Variants in FIBP observed in about 807,000 individuals in gnomAD.
FIBP encodes acidic fibroblast growth factor intracellular-binding protein.
In FIBP, 29 loss-of-function variants were observed where a neutral mutation model predicts 40.5. That is an observed-to-expected ratio of 0.72 (90% CI 0.53 to 0.98). The LOEUF (loss-of-function observed/expected upper bound fraction) is 0.98, where lower values mean the gene tolerates loss of function less well. FIBP is among the 50% of genes least tolerant of loss of function. FIBP has a pLI of 0.00. For missense variants in FIBP, 411 were observed against 470.2 expected, an observed-to-expected ratio of 0.87 and a Z score of 1.16; for synonymous variants, 215 against 191.1, an observed-to-expected ratio of 1.13 and a Z score of -1.03.
At position 65,883,917 on chromosome 11, in the gene FIBP, A is replaced by G. The variant is rs776035189; in HGVS notation, c.*57T>C. The stretch of plus-strand genomic sequence containing the variant: ...CCACTTGCTCCCCGGAGCGAGGACC[A>G]GTCTCCAAACTCAGAGCAACTTTAT... On this transcript the variant is annotated 3_prime_UTR_variant, in exon 10 of 10. Transcript: ENST00000357519. 2.3e-5 allele frequency: 34 copies of G among 1,499,656 alleles called. No homozygotes were observed. The highest frequency in any genetic ancestry group is 3.5e-4 in the Middle Eastern group (2 of 5,738). 92.9% of individuals were successfully genotyped at this position (1,499,656 alleles called of 1,614,324 possible).
At chr11:65,885,414 G>A (rs557375946) in intron 5 of FIBP, 116 bp downstream of exon 5, 4 of 1,299,100 alleles carry the variant, frequency 3.1e-6, no homozygotes, top group East Asian at 2.3e-5. Flanking sequence ...CCTGGGTGGG[G>A]GCCATGAACA....
Position 65,886,354 on chromosome 11 carries a change from CT to C in FIBP, c.479del (p.Gln160ArgfsTer35), listed in dbSNP as rs777718343. ...EMRGSLVDNI[Q>X]QHFLLSDRLA... Reference sequence around the variant, plus strand: ...ACCGGTCAGAGAGGAGGAAGTGTTGCTGAATATTGTCCACCAGGGAGCCCCG... The same window carrying C: ...ACCGGTCAGAGAGGAGGAAGTGTTGCGAATATTGTCCACCAGGGAGCCCCG... On this transcript the variant is annotated frameshift_variant, in exon 4 of 10. Transcript: ENST00000357519. LOFTEE classifies it high-confidence loss of function. The C allele has an allele frequency of 2.5e-6, 4 of 1,613,844 alleles. No homozygotes were observed. Among genetic ancestry groups the C allele is most frequent in the Non-Finnish European group, 3.4e-6 (4 of 1,179,910 alleles).
chr11:65,885,496 G>A (rs763278349), intron 5 of FIBP, 34 bp downstream of exon 5: 1 of 1,601,056 alleles, frequency 6.2e-7, no homozygotes, highest in Non-Finnish European at 8.5e-7. Flanking sequence ...AGGATGGGGA[G>A]GCGTCCAGGC....
intron 4 of FIBP, 33 bp from the exon 5 acceptor site, chr11:65,885,696 T>C: frequency 6.4e-7 from 1 of 1,566,174 alleles, no homozygotes; most frequent in African/African-American, 1.4e-5. Context: ...CTCTTAGGGC[T>C]TGAAATTCCT....
rs1860199777 is a variant in FIBP, at chr11:65,885,120, T to C, written c.713A>G (p.Lys238Arg). Reference sequence around the variant, plus strand: ...AAGGTCCTTGTCAGCCACTAGCACCTTGAGCTCCTTCAAGTCCTGGAGAAA... The same window carrying C: ...AAGGTCCTTGTCAGCCACTAGCACCCTGAGCTCCTTCAAGTCCTGGAGAAA... ...KEFLQDLKEL[K>R]VLVADKDLLD... is the part of the protein sequence containing the mutation. The change falls in exon 6 of 10, where the codon AAG (lysine) becomes AGG (arginine). Residue 238 changes from lysine to arginine, a missense_variant. Physicochemically the swap from Lys to Arg is conservative, Grantham distance 26. Transcript: ENST00000357519. The C allele has an allele frequency of 5.0e-6, 8 of 1,613,712 alleles. No individual in the cohort carries two copies. The highest frequency in any genetic ancestry group is 2.2e-5 in the South Asian group (2 of 91,070).
chr11:65,885,189 G>C lies in FIBP; in HGVS notation c.647-3C>G. The C allele has an allele frequency of 7.6e-7, 1 of 1,312,416 alleles. No homozygotes were observed. Among genetic ancestry groups the C allele is most frequent in the South Asian group, 1.2e-5 (1 of 84,850 alleles). 81.3% of individuals were successfully genotyped at this position (1,312,416 alleles called of 1,614,324 possible). A position where few individuals can be genotyped will look rare whatever the true frequency, so the allele number is the denominator to read the frequency against. On this transcript the variant is annotated splice_region_variant and splice_polypyrimidine_tract_variant and intron_variant, in intron 5 of 9. Coordinates refer to ENST00000357519, the MANE Select transcript of FIBP (RefSeq NM_004214.5). ...GTCCATGTCATCCATCTGTGAGTCT[G>C]TGAGGCCATGAAGGGGGTGGGGGTG...
rs569928465 is a variant in FIBP, at chr11:65,884,638, C to T, written c.838G>A (p.Val280Met). 1 of 1,614,142 alleles carries T rather than the reference C, an allele frequency of 6.2e-7. No homozygotes were observed. Among genetic ancestry groups the T allele is most frequent in the South Asian group, 1.1e-5 (1 of 91,076 alleles). ...TGGGTCAGCTTGGCGGCCACGTTCA[C>T]CAGCCCCCGGGACAGGTTCTGTGGG... ...ANFKNLSRGL[V>M]NVAAKLTHNK... The change falls in exon 8 of 10, where the codon GTG becomes ATG. Residue 280 changes from valine to methionine, a missense_variant. By Grantham distance (21) the Val-to-Met change is conservative (BLOSUM62 1). Transcript: ENST00000357519.
At chr11:65,884,817 A>T in intron 7 of FIBP, 118 bp downstream of exon 7, 1 of 1,374,170 alleles carries the variant, frequency 7.3e-7, no homozygotes, top group Non-Finnish European at 1.0e-6. Context: ...AGCGGCCACC[A>T]GAGGGAGCAG....
At position 65,883,933 on chromosome 11, in the gene FIBP, G is replaced by C. The variant is rs776962132; in HGVS notation, c.*41C>G. 6.3e-7 allele frequency: 1 copy of C among 1,590,402 alleles called. No individual in the cohort carries two copies. The highest frequency in any genetic ancestry group is 1.7e-5 in the Admixed American group (1 of 59,258). On this transcript the variant is annotated 3_prime_UTR_variant, in exon 10 of 10. Transcript: ENST00000357519. ...GCGAGGACCAGTCTCCAAACTCAGAGCAACTTTATTGTCAGCGTGGGCGGA... is the reference window on the plus strand; with the variant it reads ...GCGAGGACCAGTCTCCAAACTCAGACCAACTTTATTGTCAGCGTGGGCGGA...
chr11:65,884,819 A>T, intron 7 of FIBP, 116 bp downstream of exon 7: 1 of 1,374,044 alleles, frequency 7.3e-7, no homozygotes, highest in South Asian at 1.2e-5. Flanking sequence ...CGGCCACCAG[A>T]GGGAGCAGCA....
At chr11:65,885,828 G>T in intron 4 of FIBP, 165 bp from the exon 5 acceptor site, 1 of 672,674 alleles carries the variant, frequency 1.5e-6, no homozygotes, top group Non-Finnish European at 2.5e-6. Flanking sequence ...CCATCTGTGC[G>T]AAGAGAAGGT....
chr11:65,888,367 C>G lies in FIBP; in HGVS notation c.52G>C (p.Asp18His). 2 of 1,562,788 alleles carry G rather than the reference C, an allele frequency of 1.3e-6. No individual in the cohort carries two copies. The highest frequency in any genetic ancestry group is 1.7e-6 in the Non-Finnish European group (2 of 1,153,078). ...FVGNTTLIDE[D>H]VYRLWLDGYS... The stretch of plus-strand genomic sequence containing the variant: ...CCATCGAGCCAGAGGCGATACACGT[C>G]CTCGTCGATAAGGGTCGTGTTCCCC... Residue 18 changes from aspartate to histidine, a missense_variant, in exon 1 of 10, where the codon GAC (aspartate) becomes CAC (histidine). Coordinates refer to ENST00000357519, the MANE Select transcript of FIBP (RefSeq NM_004214.5).
intron 4 of FIBP, chr11:65,886,026 T>C: frequency 2.2e-6 from 1 of 459,990 alleles, no homozygotes; most frequent in South Asian, 2.6e-5. Flanking sequence ...CAGACCAAGC[T>C]GGGTGCGGTG....
At chr11:65,887,875 G>C in intron 2 of FIBP, 59 bp downstream of exon 2, 1 of 1,594,132 alleles carries the variant, frequency 6.3e-7, no homozygotes, top group South Asian at 1.1e-5. Context: ...TGTTTCAGCC[G>C]GCAAAATGGG....
chr11:65,887,463 A>AT, intron 3 of FIBP, 137 bp downstream of exon 3: 7 of 934,138 alleles, frequency 7.5e-6, no homozygotes, highest in South Asian at 1.4e-5. Flanking sequence ...AAAAAAAAAA[A>AT]GGAGGGGAAA....
Position 65,884,415 on chromosome 11 carries a change from A to G in FIBP, c.981T>C (p.Ser327=). The G allele has an allele frequency of 1.2e-6, 2 of 1,614,160 alleles. No homozygotes were observed. The highest frequency in any genetic ancestry group is 1.7e-6 in the Non-Finnish European group (2 of 1,180,014). The part of the protein sequence containing the change: ...VRFFLNQYSA[S]VHSLDGFRHQ... The stretch of plus-strand genomic sequence containing the variant: ...ACCGGAAGCCATCGAGGGAGTGGAC[A>G]GACGCTGAATACTGATTCAGGAAGA... Residue 327 remains serine (S), a synonymous_variant, in exon 9 of 10, where the codon TCT becomes TCC. Transcript: ENST00000357519.
chr11:65,886,461 G>A, intron 3 of FIBP, 39 bp from the exon 4 acceptor site: 1 of 1,341,664 alleles, frequency 7.5e-7, no homozygotes, highest in Non-Finnish European at 1.1e-6. Context: ...ACTGGTCAGA[G>A]TGTACACTGT....
At chr11:65,884,775 C>G in intron 7 of FIBP, 119 bp from the exon 8 acceptor site, 1 of 1,316,416 alleles carries the variant, frequency 7.6e-7, no homozygotes, top group Middle Eastern at 2.1e-4. Flanking sequence ...CTCCATCAAC[C>G]AAGTCCCCAT....
chr11:65,886,140 T>C (rs1447177413), intron 4 of FIBP, 182 bp downstream of exon 4: 1 of 533,152 alleles, frequency 1.9e-6, no homozygotes, highest in Non-Finnish European at 3.3e-6. Context: ...CATTCCAGCC[T>C]GGGCAACAAG....
Sources: allele counts gnomAD v4.1 joint callset, GRCh38; gene constraint gnomAD v4.1.1; transcripts MANE v1.5; gene names NCBI Gene and HGNC (gene_info 2026-07-23, HGNC 2026-07-21).